NRXN1: variants seen among roughly 807,000 people sequenced by gnomAD.
The protein encoded by NRXN1 is neurexin 1.
NRXN1 carries 39 observed loss-of-function variants against 150.9 expected under a neutral mutation model. That is an observed-to-expected ratio of 0.26 (90% CI 0.20 to 0.34). NRXN1 has a LOEUF of 0.34. NRXN1 is among the 10% of genes least tolerant of loss of function. The probability of loss-of-function intolerance (pLI) is 1.00; values close to 1 mark genes in which losing one functional copy is unlikely to be tolerated. For missense variants in NRXN1, 1,815 were observed against 1,949.9 expected (o/e 0.93, Z 1.30); for synonymous variants, 924 against 757.0 (o/e 1.22, Z -3.62).
At chr2:50,350,917 G>C (rs2078365050) in intron 17 of NRXN1, among the ~76,000 whole-genome samples, 1 of 152,168 alleles carries the variant, frequency 6.6e-6, no homozygotes, top group Non-Finnish European at 1.5e-5. Context: ...GGGCACCTTT[G>C]CAATACTTAG....
At chr2:49,963,624 C>A (rs1209643744) in intron 21 of NRXN1, among the ~76,000 whole-genome samples, 1 of 152,152 alleles carries the variant, frequency 6.6e-6, no homozygotes, top group Non-Finnish European at 1.5e-5. Context: ...AAAGACTTTA[C>A]TCCTGGTAAA....
chr2:50,946,116 G>A (rs1026774754), intron 2 of NRXN1, among the ~76,000 whole-genome samples: 13 of 151,958 alleles, frequency 8.6e-5, no homozygotes, highest in African/African-American at 2.9e-4. Flanking sequence ...AGGATCCCAT[G>A]GGGCTGCCAT....
At chr2:50,478,869 G>C (rs544915414) in intron 15 of NRXN1, among the ~76,000 whole-genome samples, 1 of 152,260 alleles carries the variant, frequency 6.6e-6, no homozygotes, top group East Asian at 1.9e-4. Flanking sequence ...AGGGGTGAAT[G>C]ACTCAACTTT....
chr2:50,309,176 G>T (rs975978749), intron 17 of NRXN1, among the ~76,000 whole-genome samples: 6 of 152,112 alleles, frequency 3.9e-5, no homozygotes, highest in Admixed American at 1.3e-4. Context: ...TATGCAGATG[G>T]GTTGGTTAGC....
chr2:50,634,658 C>T (rs1035841248), intron 5 of NRXN1, among the ~76,000 whole-genome samples: 2 of 151,980 alleles, frequency 1.3e-5, no homozygotes, highest in Admixed American at 6.6e-5. Context: ...AAAGTTTGGG[C>T]TAATTTATAA....
chr2:50,675,776 G>C (rs1689459657), intron 5 of NRXN1, among the ~76,000 whole-genome samples: 1 of 152,034 alleles, frequency 6.6e-6, no homozygotes, highest in Non-Finnish European at 1.5e-5. Flanking sequence ...ACTGTCACAA[G>C]AGCAATAATA....
intron 5 of NRXN1, among the ~76,000 whole-genome samples, chr2:50,806,890 C>G (rs1667581658): frequency 6.6e-6 from 1 of 152,008 alleles, no homozygotes; most frequent in Non-Finnish European, 1.5e-5. Flanking sequence ...GGTTGTTAGC[C>G]CCTTGAAGGC....
chr2:50,609,451 T>C (rs1043314165), intron 8 of NRXN1, among the ~76,000 whole-genome samples: 1 of 152,102 alleles, frequency 6.6e-6, no homozygotes, highest in African/African-American at 2.4e-5. Context: ...ACTATATTAA[T>C]AGAGTATTAA....
chr2:50,788,043 G>A (rs562731097), intron 5 of NRXN1, among the ~76,000 whole-genome samples: 48 of 151,572 alleles, frequency 3.2e-4, no homozygotes, highest in African/African-American at 5.3e-4. Context: ...AGGTAAATAC[G>A]GCTTTACAAT....
chr2:50,940,471 C>T (rs1331762967), intron 2 of NRXN1, among the ~76,000 whole-genome samples: 1 of 139,134 alleles, frequency 7.2e-6, no homozygotes, highest in African/African-American at 2.7e-5. Flanking sequence ...AAGACTCCAT[C>T]TCAAAAAAAA....
At chr2:50,668,927 G>C (rs1260520503) in intron 5 of NRXN1, among the ~76,000 whole-genome samples, 2 of 151,970 alleles carry the variant, frequency 1.3e-5, no homozygotes, top group Non-Finnish European at 2.9e-5. Context: ...TATACAAAAA[G>C]CATAGGCTGT....
intron 8 of NRXN1, among the ~76,000 whole-genome samples, chr2:50,606,466 A>C (rs999720969): frequency 6.6e-6 from 1 of 151,734 alleles, no homozygotes; most frequent in African/African-American, 2.4e-5. Context: ...GGAGTTGCCA[A>C]TCAATAATTA....
At chr2:50,951,904 G>A (rs940229793) in intron 2 of NRXN1, among the ~76,000 whole-genome samples, 1 of 141,832 alleles carries the variant, frequency 7.1e-6, no homozygotes, top group Admixed American at 7.1e-5. Context: ...GATTATCTAT[G>A]AATTTCATTT....
chr2:50,271,488 T>C (rs1212578504), intron 17 of NRXN1, among the ~76,000 whole-genome samples: 1 of 152,190 alleles, frequency 6.6e-6, no homozygotes, highest in Non-Finnish European at 1.5e-5. Context: ...CATAAAATTC[T>C]ATTCTATTTT....
chr2:50,255,054 C>T (rs185541156), intron 17 of NRXN1, among the ~76,000 whole-genome samples: 2 of 152,072 alleles, frequency 1.3e-5, no homozygotes, highest in African/African-American at 4.8e-5. Context: ...GCGATCCACC[C>T]ACCTTGGCCT....
At chr2:50,205,977 G>T (rs1294006916) in intron 18 of NRXN1, among the ~76,000 whole-genome samples, 1 of 151,938 alleles carries the variant, frequency 6.6e-6, no homozygotes, top group Non-Finnish European at 1.5e-5. Flanking sequence ...CTTTCAGGGG[G>T]TTCCAAATTT....
intron 5 of NRXN1, among the ~76,000 whole-genome samples, chr2:50,879,334 A>G (rs1679083497): frequency 6.6e-6 from 1 of 151,840 alleles, no homozygotes; most frequent in Non-Finnish European, 1.5e-5. Context: ...AAATCAAGCA[A>G]TCTATAAATA....
chr2:50,381,002 G>A (rs1016817659), intron 17 of NRXN1, among the ~76,000 whole-genome samples: 1 of 152,086 alleles, frequency 6.6e-6, no homozygotes, highest in Admixed American at 6.6e-5. Flanking sequence ...ATTCTATATA[G>A]TGATGATTTA....
At chr2:50,484,472 G>C (rs933663955) in intron 15 of NRXN1, among the ~76,000 whole-genome samples, 3 of 152,120 alleles carry the variant, frequency 2.0e-5, no homozygotes, top group Non-Finnish European at 4.4e-5. Flanking sequence ...GGAAGTGTTA[G>C]GAACTTTTCC....
Sources: allele counts gnomAD v4.1 joint callset (sites outside exome capture counted in the v4.1 genomes callset), GRCh38; gene constraint gnomAD v4.1.1; transcripts MANE v1.5; gene names NCBI Gene and HGNC (gene_info 2026-07-23, HGNC 2026-07-21).